Variants in CEP85L observed in about 807,000 individuals in gnomAD.
CEP85L encodes centrosomal protein of 85 kDa-like.
Under a neutral mutation model 100.3 loss-of-function variants are expected in CEP85L, and 60 were observed. That is an observed-to-expected ratio of 0.60 (90% confidence interval 0.49 to 0.74). The LOEUF is 0.74. CEP85L is among the 30% of genes least tolerant of loss of function. The pLI is 0.00. For missense variants in CEP85L, 973 were observed against 936.2 expected, an observed-to-expected ratio of 1.04 and a Z score of -0.51; for synonymous variants, 319 against 322.7, an observed-to-expected ratio of 0.99 and a Z score of 0.12.
intron 2 of CEP85L, among the ~76,000 whole-genome samples, chr6:118,629,895 T>C (rs1774030681): frequency 6.6e-6 from 1 of 152,132 alleles, no homozygotes; most frequent in African/African-American, 2.4e-5. Context: ...AAAGCCAGTG[T>C]GAGAAAACAA....
At chr6:118,682,589 A>G (rs905293552) in intron 1 of CEP85L, among the ~76,000 whole-genome samples, 7 of 152,102 alleles carry the variant, frequency 4.6e-5, no homozygotes, top group African/African-American at 1.7e-4. Flanking sequence ...AAAAGGAAAC[A>G]AGTGGCTTGT....
At chr6:118,619,507 TC>T (rs1773298145) in intron 2 of CEP85L, among the ~76,000 whole-genome samples, 1 of 152,066 alleles carries the variant, frequency 6.6e-6, no homozygotes, top group Non-Finnish European at 1.5e-5. Context: ...AGGGCCTCCT[TC>T]CTTAGCCCCA....
chr6:118,480,879 T>C (rs1398812988), intron 8 of CEP85L, among the ~76,000 whole-genome samples: 4 of 152,146 alleles, frequency 2.6e-5, no homozygotes, highest in African/African-American at 9.7e-5. Flanking sequence ...AAGATGATCA[T>C]TGCAGGGAAC....
At chr6:118,479,850 T>C in intron 10 of CEP85L, 21 bp downstream of exon 10, 1 of 1,358,662 alleles carries the variant, frequency 7.4e-7, no homozygotes, top group Non-Finnish European at 1.0e-6. Flanking sequence ...TAAATTAAAA[T>C]AAGCACAAAA....
intron 1 of CEP85L, 94 bp from the exon 2 acceptor site, chr6:118,632,705 G>C (rs917010007): frequency 1.4e-5 from 13 of 904,822 alleles, no homozygotes; most frequent in South Asian, 2.4e-5. Context: ...GGGTATAAAA[G>C]GTATAAAAGG....
chr6:118,493,049 G>T lies in CEP85L; in HGVS notation c.1258-1184C>A, dbSNP rs555928137. Among the ~76,000 whole-genome samples the T allele has an allele frequency of 7.9e-5, 12 of 152,174 alleles. No homozygotes were observed. The East Asian group carries it at 2.3e-3, about 29-fold the overall frequency. Reference sequence around the variant, plus strand: ...TGTAATATAGAACAGAATGAATATGGTAGCCAAATAAAGGCCATGTTAAGT... The same window carrying T: ...TGTAATATAGAACAGAATGAATATGTTAGCCAAATAAAGGCCATGTTAAGT... On this transcript the variant is annotated intron_variant, in intron 5 of 12. Coordinates refer to ENST00000368491, the MANE Select transcript of CEP85L (RefSeq NM_001042475.3).
chr6:118,585,099 A>C (rs991667986), intron 2 of CEP85L, among the ~76,000 whole-genome samples: 1 of 152,228 alleles, frequency 6.6e-6, no homozygotes, highest in Admixed American at 6.5e-5. Flanking sequence ...CAGGATACAC[A>C]GTAGTCACTC....
At chr6:118,567,243 G>GTATATATA (rs1779591071) in intron 2 of CEP85L, among the ~76,000 whole-genome samples, 1 of 31,358 alleles carries the variant, frequency 3.2e-5, no homozygotes, top group African/African-American at 1.5e-4. Context: ...GTGTGTGTGT[G>GTATATATA]TGTGTGTATA....
At chr6:118,514,165 TA>T (rs1012363849) in intron 4 of CEP85L, among the ~76,000 whole-genome samples, 2 of 151,954 alleles carry the variant, frequency 1.3e-5, no homozygotes, top group Non-Finnish European at 2.9e-5. Context: ...ACAGGAATTG[TA>T]AAAAAATATT....
At chr6:118,642,755 A>T (rs1178548947) in intron 1 of CEP85L, among the ~76,000 whole-genome samples, 2 of 151,628 alleles carry the variant, frequency 1.3e-5, no homozygotes, top group East Asian at 1.9e-4. Context: ...CTCTACTAAA[A>T]ATATATATAT....
chr6:118,633,676 C>A (rs546656044), intron 1 of CEP85L, among the ~76,000 whole-genome samples: 34 of 152,202 alleles, frequency 2.2e-4, no homozygotes, highest in African/African-American at 7.9e-4. Flanking sequence ...ATCAATGGAC[C>A]AGTGCCAATC....
intron 1 of CEP85L, among the ~76,000 whole-genome samples, chr6:118,708,577 A>G (rs1777675524): frequency 6.6e-6 from 1 of 152,232 alleles, no homozygotes; most frequent in Non-Finnish European, 1.5e-5. Context: ...AAAAGAGTCT[A>G]TTATTAAATG....
chr6:118,542,522 A>C (rs1193756924), intron 3 of CEP85L, among the ~76,000 whole-genome samples: 2 of 152,202 alleles, frequency 1.3e-5, no homozygotes, highest in Non-Finnish European at 1.5e-5. Flanking sequence ...TTTGGGCTTC[A>C]AAGAGACTTT....
chr6:118,661,866 T>A (rs1387663537), intron 1 of CEP85L, among the ~76,000 whole-genome samples: 1 of 152,228 alleles, frequency 6.6e-6, no homozygotes, highest in Non-Finnish European at 1.5e-5. Flanking sequence ...AGCCACCTCA[T>A]AAACCAATGA....
At chr6:118,638,519 A>G (rs939868852) in intron 1 of CEP85L, among the ~76,000 whole-genome samples, 1 of 150,726 alleles carries the variant, frequency 6.6e-6, no homozygotes, top group Admixed American at 6.6e-5. Flanking sequence ...ATTTTCTCAC[A>G]GAATAGTTAC....
intron 3 of CEP85L, among the ~76,000 whole-genome samples, chr6:118,536,521 TAGA>T (rs1267715706): frequency 1.3e-5 from 2 of 152,154 alleles, no homozygotes; most frequent in South Asian, 2.1e-4. Flanking sequence ...CTTTCTACCT[TAGA>T]AGAAGTATTG....
chr6:118,692,299 CCTTCAGTAAAG>C (rs1216796126), intron 1 of CEP85L, among the ~76,000 whole-genome samples: 1 of 152,170 alleles, frequency 6.6e-6, no homozygotes, highest in Non-Finnish European at 1.5e-5. Context: ...TACATTCTAA[CCTTCAGTAAAG>C]CTTAATTGGG....
In CEP85L at chr6:118,583,123, G is replaced by A. The variant is rs576210304; in HGVS notation, c.233-16807C>T. Among the ~76,000 whole-genome samples the A allele has an allele frequency of 3.9e-5, 6 of 152,328 alleles. No homozygotes were observed. In the South Asian group the frequency reaches 8.3e-4, roughly 21 times the overall value. On this transcript the variant is annotated intron_variant, in intron 2 of 12. Transcript: ENST00000368491. ...CCTGTGGCGGAGACCACTGGAGATG[G>A]ATCTGCCCCCAGAGGCAGAGGTCGC...
chr6:118,620,592 G>A (rs1773372084), intron 2 of CEP85L, among the ~76,000 whole-genome samples: 1 of 152,192 alleles, frequency 6.6e-6, no homozygotes, highest in African/African-American at 2.4e-5. Context: ...TGGGCCAGAA[G>A]CCCCCAGCCA....
Sources: allele counts gnomAD v4.1 joint callset (sites outside exome capture counted in the v4.1 genomes callset), GRCh38; gene constraint gnomAD v4.1.1; transcripts MANE v1.5; gene names NCBI Gene and HGNC (gene_info 2026-07-23, HGNC 2026-07-21).